Variants in DNHD1 observed in about 807,000 individuals in gnomAD.
DNHD1 encodes dynein heavy chain domain 1.
Under a neutral mutation model 458.1 loss-of-function variants are expected in DNHD1, and 383 were observed. The ratio of observed to expected loss-of-function variants is 0.84; its 90% CI spans 0.77 to 0.91. The LOEUF is 0.91. Among genes scored for constraint, DNHD1 ranks in the 40% least tolerant of loss-of-function variants. The probability of loss-of-function intolerance (pLI) is 0.00; values close to 1 mark genes in which losing one functional copy is unlikely to be tolerated. For missense variants in DNHD1, 5,336 were observed against 5,866.1 expected (o/e 0.91, Z 2.95); for synonymous variants, 2,203 against 2,376.9 (o/e 0.93, Z 2.13).
chr11:6,497,525 G>C (rs1951900446), intron 1 of DNHD1, 60 bp from the exon 2 acceptor site: 1 of 152,622 alleles, frequency 6.6e-6, no homozygotes, highest in South Asian at 2.1e-4. Context: ...TGTGGGCGAA[G>C]ACGTCATGGG....
chr11:6,539,924 C>A lies in DNHD1; in HGVS notation c.3469C>A (p.Arg1157=). 1 of 1,551,742 alleles carries A rather than the reference C, an allele frequency of 6.4e-7. No individual in the cohort carries two copies. Among genetic ancestry groups the A allele is most frequent in the Non-Finnish European group, 8.7e-7 (1 of 1,146,990 alleles). The change falls in exon 18 of 43, where the codon CGG becomes AGG. Residue 1157 remains arginine, a synonymous_variant. Coordinates refer to ENST00000254579, the MANE Select transcript of DNHD1 (RefSeq NM_144666.3). Reference sequence around the variant, plus strand: ...AATTCATGCCCAAGAGACTATACGGCGGTTGCAGCGGTACTGGGAAGCGCG... The same window carrying A: ...AATTCATGCCCAAGAGACTATACGGAGGTTGCAGCGGTACTGGGAAGCGCG... ...ERIHAQETIR[R]LQRYWEARQL... is the part of the protein sequence containing the mutation.
At chr11:6,536,623 A>AT (rs201331881) in intron 14 of DNHD1, among the ~76,000 whole-genome samples, 2,049 of 151,866 alleles carry the variant, frequency 0.013, 36 homozygotes, top group African/African-American at 0.043. Context: ...AAGGTACACA[A>AT]TTTTTTTTTA....
chr11:6,566,069 A>C (rs1342685809), intron 33 of DNHD1, 78 bp downstream of exon 33: 9 of 1,484,602 alleles, frequency 6.1e-6, no homozygotes, highest in Non-Finnish European at 8.1e-6. Flanking sequence ...CCCACACCTC[A>C]GTCTAACTTC....
chr11:6,499,278 A>G (rs1852091499), intron 3 of DNHD1, among the ~76,000 whole-genome samples: 1 of 152,216 alleles, frequency 6.6e-6, no homozygotes, highest in Admixed American at 6.5e-5. Context: ...TGATGTCAGA[A>G]GTCTCCTTAA....
rs114640128 is a variant in DNHD1, at chr11:6,521,935, G to A, written c.1837+1646G>A. Among the ~76,000 whole-genome samples the A allele has an allele frequency of 5.4e-3, 817 of 152,108 alleles. 3 individuals are homozygous for A. The highest frequency in any genetic ancestry group is 0.018 in the African/African-American group (764 of 41,470). On this transcript the variant is annotated intron_variant, in intron 10 of 42. Transcript: ENST00000254579. Reference sequence around the variant, plus strand: ...TCTTGCTATGTTGCCGAGGCTGGTCGTGAACTCCTATCATCAAGCAATCCT... The same window carrying A: ...TCTTGCTATGTTGCCGAGGCTGGTCATGAACTCCTATCATCAAGCAATCCT...
intron 10 of DNHD1, 139 bp from the exon 11 acceptor site, chr11:6,528,383 C>G (rs1018824239): frequency 2.7e-5 from 29 of 1,061,662 alleles, no homozygotes; most frequent in Non-Finnish European, 3.4e-5. Flanking sequence ...TATGTGTTAA[C>G]TCACTCATGA....
intron 10 of DNHD1, among the ~76,000 whole-genome samples, chr11:6,525,032 T>C (rs1389411820): frequency 6.6e-6 from 1 of 152,208 alleles, no homozygotes; most frequent in Non-Finnish European, 1.5e-5. Flanking sequence ...GAGTTATGTG[T>C]GGCGGAGGAG....
In DNHD1 at chr11:6,498,410, C is replaced by A; in HGVS notation, c.195C>A (p.Leu65=). 1 of 1,614,230 alleles carries A rather than the reference C, an allele frequency of 6.2e-7. No homozygotes were observed. Among genetic ancestry groups the A allele is most frequent in the Non-Finnish European group, 8.5e-7 (1 of 1,180,036 alleles). Residue 65 remains leucine (L), a synonymous_variant, in exon 3 of 43, where the codon CTC becomes CTA. Coordinates refer to ENST00000254579, the MANE Select transcript of DNHD1 (RefSeq NM_144666.3). ...PTVLELLLAE[L]RTLFSAVLQD... Reference sequence around the variant, plus strand: ...TGCTGGAACTCCTGCTAGCTGAGCTCCGAACTCTGTTCTCAGCTGTGTTGC... The same window carrying A: ...TGCTGGAACTCCTGCTAGCTGAGCTACGAACTCTGTTCTCAGCTGTGTTGC...
chr11:6,533,188 G>C lies in DNHD1; in HGVS notation c.2505+4G>C. On this transcript the variant is annotated splice_donor_region_variant and intron_variant, in intron 13 of 42. Coordinates refer to ENST00000254579, the MANE Select transcript of DNHD1 (RefSeq NM_144666.3). ...CATTGCACAGTGCACCCAGAAGGTG[G>C]GCTCTCCCCATCCATCCTTCCCAGT... 1 of 1,550,890 alleles carries C rather than the reference G, an allele frequency of 6.4e-7. No homozygotes were observed. Among genetic ancestry groups the C allele is most frequent in the Non-Finnish European group, 8.7e-7 (1 of 1,146,694 alleles).
Position 6,567,532 on chromosome 11 carries a change from G to T in DNHD1, c.12023G>T (p.Gly4008Val). Residue 4008 changes from glycine to valine, a missense_variant, in exon 36 of 43, where the codon GGC becomes GTC. This residue lies in a region of DNHD1 where 695 missense variants were observed against 804.2 expected (regional missense o/e 0.86). Transcript: ENST00000254579. ...GTTGGCCTGTGTGCCTCCCTGGCAG[G>T]CCACTCCAGTGCTTGGCAGGCTTAC... The part of the protein sequence containing the change: ...PFVGLCASLA[G>V]HSSAWQAYLS... 6.2e-7 allele frequency: 1 copy of T among 1,613,326 alleles called. No homozygotes were observed. The highest frequency in any genetic ancestry group is 1.7e-5 in the Admixed American group (1 of 59,890).
chr11:6,548,507 A>T lies in DNHD1; in HGVS notation c.7098+105A>T. 4.1e-6 allele frequency: 6 copies of T among 1,456,718 alleles called. No homozygotes were observed. Among genetic ancestry groups the T allele is most frequent in the Non-Finnish European group, 5.6e-6 (6 of 1,077,596 alleles). 90.2% of individuals were successfully genotyped at this position (1,456,718 alleles called of 1,614,324 possible). A position where few individuals can be genotyped will look rare whatever the true frequency, so the allele number is the denominator to read the frequency against. Reference sequence around the variant, plus strand: ...GAGGCCCACTTGCTCCCTTTCTTTGATATATTTTCACAATCACAAGAATAC... The same window carrying T: ...GAGGCCCACTTGCTCCCTTTCTTTGTTATATTTTCACAATCACAAGAATAC... On this transcript the variant is annotated intron_variant, in intron 23 of 42. Transcript: ENST00000254579. This position sits in a 1 kb window ranked among gnomAD's most constrained non-coding sequence, Gnocchi z 4.4.
At chr11:6,525,873 T>C (rs966285817) in intron 10 of DNHD1, among the ~76,000 whole-genome samples, 3 of 152,180 alleles carry the variant, frequency 2.0e-5, no homozygotes, top group African/African-American at 7.2e-5. Context: ...TTTTTTTCTT[T>C]TTTATTGAAA....
Position 6,519,589 on chromosome 11 carries a change from T to C in DNHD1, c.1393-11T>C. 6.2e-7 allele frequency: 1 copy of C among 1,613,866 alleles called. No homozygotes were observed. Among genetic ancestry groups the C allele is most frequent in the Non-Finnish European group, 8.5e-7 (1 of 1,179,906 alleles). ...CCCCCTATCTGGTGAGTTTCCACTC[T>C]ATGCTCACAGGTTCACGAGGACACA... On this transcript the variant is annotated splice_polypyrimidine_tract_variant and intron_variant, in intron 7 of 42. Transcript: ENST00000254579.
In DNHD1 at chr11:6,558,941, G is replaced by A; in HGVS notation, c.9251G>A (p.Ser3084Asn). The change falls in exon 27 of 43, where the codon AGT becomes AAT. Residue 3084 changes from serine (S) to asparagine (N), a missense_variant. Coordinates refer to ENST00000254579, the MANE Select transcript of DNHD1 (RefSeq NM_144666.3). The stretch of plus-strand genomic sequence containing the variant: ...CCAGACCTCCAGGCCTCAATTCCCA[G>A]TGTGGCCAAAGCCATGGCTCTTATC... ...KYPDLQASIP[S>N]VAKAMALIHL... 1.3e-6 allele frequency: 2 copies of A among 1,551,640 alleles called. No individual in the cohort carries two copies. Among genetic ancestry groups the A allele is most frequent in the Non-Finnish European group, 1.7e-6 (2 of 1,146,988 alleles).
Position 6,547,072 on chromosome 11 carries a change from C to T in DNHD1, c.6133C>T (p.Leu2045=). ...GLSPQEFLGW[L]EGSCWHHGIF... ...CAGCCCCCAGGAGTTCCTGGGATGGCTAGAGGGCTCCTGCTGGCATCATGG... is the reference window on the plus strand; with the variant it reads ...CAGCCCCCAGGAGTTCCTGGGATGGTTAGAGGGCTCCTGCTGGCATCATGG... Residue 2045 remains leucine, a synonymous_variant, in exon 21 of 43, where the codon CTA becomes TTA. Transcript: ENST00000254579. The T allele has an allele frequency of 6.4e-7, 1 of 1,551,702 alleles. No homozygotes were observed.
intron 36 of DNHD1, 72 bp downstream of exon 36, chr11:6,567,932 G>A: frequency 6.7e-7 from 1 of 1,488,254 alleles, no homozygotes. Context: ...CCCCCTCCAA[G>A]CATTTTCATG....
Position 6,514,105 on chromosome 11 carries a change from C to T in DNHD1, c.1392+2676C>T, listed in dbSNP as rs186252812. Among the ~76,000 whole-genome samples, 12 of 152,160 alleles carry T rather than the reference C, an allele frequency of 7.9e-5. No homozygotes were observed. The East Asian group carries it at 1.4e-3, about 17-fold the overall frequency. Reference sequence around the variant, plus strand: ...TCATGATCCACCTGCCTCAGCCTCCCGAAGTACTGGGATTACAGGTGTGAG... The same window carrying T: ...TCATGATCCACCTGCCTCAGCCTCCTGAAGTACTGGGATTACAGGTGTGAG... On this transcript the variant is annotated intron_variant, in intron 7 of 42. Coordinates refer to ENST00000254579, the MANE Select transcript of DNHD1 (RefSeq NM_144666.3).
At chr11:6,530,698 G>GT (rs1399072664) in intron 12 of DNHD1, among the ~76,000 whole-genome samples, 1 of 152,152 alleles carries the variant, frequency 6.6e-6, no homozygotes, top group Non-Finnish European at 1.5e-5. Context: ...GAAAGCACAT[G>GT]TATCATTAGG....
chr11:6,564,934 C>A, intron 32 of DNHD1, 130 bp downstream of exon 32: 1 of 792,712 alleles, frequency 1.3e-6, no homozygotes, highest in Non-Finnish European at 2.0e-6. Context: ...TTTCACCAGC[C>A]TATACTATAG....
Sources: gnomAD v4.1 joint callset for allele counts (sites outside exome capture counted in the v4.1 genomes callset) on GRCh38, gnomAD v4.1.1 for gene constraint, gnomAD v4.1.1 regional missense constraint, Gnocchi (gnomAD v3.1) non-coding constraint, MANE v1.5 for transcripts, NCBI Gene and HGNC (gene_info 2026-07-23, HGNC 2026-07-21) for gene names.